Variants in TSPAN5 observed in about 807,000 individuals in gnomAD.
TSPAN5 encodes tetraspanin 5.
A neutral mutation model predicts 37.1 loss-of-function variants in TSPAN5; 10 were observed. That is an observed-to-expected ratio of 0.27 (90% confidence interval 0.17 to 0.46). The LOEUF (loss-of-function observed/expected upper bound fraction) is 0.46, where lower values mean the gene tolerates loss of function less well. Ranked by LOEUF, TSPAN5 falls within the 20% of genes least tolerant of loss-of-function variation. The pLI, the probability that TSPAN5 is intolerant of heterozygous loss-of-function variation, is 1.00. For missense variants in TSPAN5, 195 were observed against 326.6 expected, an observed-to-expected ratio of 0.60 and a Z score of 3.11; for synonymous variants, 110 against 118.9, an observed-to-expected ratio of 0.93 and a Z score of 0.48.
chr4:98,490,573 TG>T (rs1197348544), intron 2 of TSPAN5, among the ~76,000 whole-genome samples: 1 of 152,300 alleles, frequency 6.6e-6, no homozygotes, highest in African/African-American at 2.4e-5. Context: ...TACAGCGTGC[TG>T]GGGGGAACTA....
chr4:98,510,468 T>C (rs900387658), intron 1 of TSPAN5, among the ~76,000 whole-genome samples: 21 of 152,228 alleles, frequency 1.4e-4, no homozygotes, highest in Admixed American at 6.5e-5. Context: ...TTCCCCACTT[T>C]GGTGTCCACA....
intron 1 of TSPAN5, among the ~76,000 whole-genome samples, chr4:98,612,955 T>C (rs1002076815): frequency 6.6e-6 from 1 of 152,194 alleles, no homozygotes; most frequent in African/African-American, 2.4e-5. Context: ...TTTTTCACCG[T>C]AGCACTTATC....
chr4:98,627,932 G>A (rs1756646768), intron 1 of TSPAN5, among the ~76,000 whole-genome samples: 2 of 152,174 alleles, frequency 1.3e-5, no homozygotes, highest in South Asian at 4.1e-4. Context: ...TAGATTTTTT[G>A]AAACTGGAAG....
rs960967165 is a variant in TSPAN5, at chr4:98,471,032, G to A, written c.*1490C>T. On this transcript the variant is annotated 3_prime_UTR_variant, in exon 8 of 8. Transcript: ENST00000305798. ...GATTAAAATCTAGAGGGCAAAACTC[G>A]TCCCTCCCACCTAAAGTGGGGGCAG... The A allele has an allele frequency of 1.6e-4, 25 of 152,104 alleles. No homozygotes were observed. Among genetic ancestry groups the A allele is most frequent in the African/African-American group, 6.0e-4 (25 of 41,408 alleles). 9.4% of individuals were successfully genotyped at this position (152,104 alleles called of 1,614,324 possible).
At chr4:98,586,323 C>T (rs1277680362) in intron 1 of TSPAN5, among the ~76,000 whole-genome samples, 2 of 152,172 alleles carry the variant, frequency 1.3e-5, no homozygotes, top group African/African-American at 2.4e-5. Context: ...CTACTAACGA[C>T]TGAAGACATT....
chr4:98,644,938 C>G (rs1341663105), intron 1 of TSPAN5, among the ~76,000 whole-genome samples: 1 of 152,208 alleles, frequency 6.6e-6, no homozygotes, highest in African/African-American at 2.4e-5. Context: ...ATTCCCCAAG[C>G]ATTTTACCTC....
intron 2 of TSPAN5, among the ~76,000 whole-genome samples, chr4:98,498,483 G>A (rs1283044121): frequency 6.6e-6 from 1 of 152,138 alleles, no homozygotes. Flanking sequence ...AAAGTGAGTA[G>A]GAGACAAGAC....
intron 1 of TSPAN5, among the ~76,000 whole-genome samples, chr4:98,545,311 G>C (rs1295329968): frequency 6.6e-6 from 1 of 152,186 alleles, no homozygotes; most frequent in Non-Finnish European, 1.5e-5. Flanking sequence ...AGAGCAACTG[G>C]AAATGGCCAA....
intron 1 of TSPAN5, among the ~76,000 whole-genome samples, chr4:98,604,808 C>A (rs942008245): frequency 2.6e-5 from 4 of 152,186 alleles, no homozygotes; most frequent in Non-Finnish European, 5.9e-5. Flanking sequence ...ACTATTTAAT[C>A]TCTAATACAA....
chr4:98,572,718 C>T (rs925498187), intron 1 of TSPAN5, among the ~76,000 whole-genome samples: 10 of 152,224 alleles, frequency 6.6e-5, no homozygotes, highest in African/African-American at 2.2e-4. Context: ...TAGTGTGCTC[C>T]CCTTTTACCT....
chr4:98,654,079 C>G (rs1757250477), intron 1 of TSPAN5, among the ~76,000 whole-genome samples: 1 of 152,194 alleles, frequency 6.6e-6, no homozygotes. Flanking sequence ...TGGCTAAGCT[C>G]CCAGCAAGCA....
chr4:98,617,690 A>C (rs541110669), intron 1 of TSPAN5, among the ~76,000 whole-genome samples: 1 of 152,278 alleles, frequency 6.6e-6, no homozygotes, highest in Admixed American at 6.5e-5. Flanking sequence ...GCCTTCTCAG[A>C]TTGCAGGCCC....
chr4:98,597,898 G>A (rs1166013379), intron 1 of TSPAN5, among the ~76,000 whole-genome samples: 1 of 74,950 alleles, frequency 1.3e-5, no homozygotes, highest in East Asian at 3.3e-4. Flanking sequence ...TTGTTTGTCT[G>A]TGCCCTGCCC....
intron 1 of TSPAN5, among the ~76,000 whole-genome samples, chr4:98,585,792 A>C (rs1755473328): frequency 6.6e-6 from 1 of 152,256 alleles, no homozygotes; most frequent in African/African-American, 2.4e-5. Flanking sequence ...GCCCCAAACC[A>C]GATGGATGCC....
At chr4:98,530,965 G>A (rs538922931) in intron 1 of TSPAN5, among the ~76,000 whole-genome samples, 2 of 152,192 alleles carry the variant, frequency 1.3e-5, no homozygotes, top group East Asian at 3.9e-4. Flanking sequence ...GGAGTATAGT[G>A]GCATGACCAT....
At chr4:98,522,338 G>A (rs533182954) in intron 1 of TSPAN5, among the ~76,000 whole-genome samples, 1 of 152,326 alleles carries the variant, frequency 6.6e-6, no homozygotes, top group East Asian at 1.9e-4. Flanking sequence ...GCTGAAACAG[G>A]AAGTGAATTT....
At chr4:98,496,927 C>G (rs1346091884) in intron 2 of TSPAN5, among the ~76,000 whole-genome samples, 3 of 152,144 alleles carry the variant, frequency 2.0e-5, no homozygotes, top group Non-Finnish European at 2.9e-5. Context: ...TTCTGATACC[C>G]TAAGCCCCCG....
intron 2 of TSPAN5, among the ~76,000 whole-genome samples, chr4:98,490,768 T>C (rs955733594): frequency 2.6e-5 from 4 of 152,248 alleles, no homozygotes; most frequent in Middle Eastern, 3.4e-3. Context: ...GGACATAAAA[T>C]TGTATGTATT....
chr4:98,586,323 C>G (rs1277680362), intron 1 of TSPAN5, among the ~76,000 whole-genome samples: 3 of 152,172 alleles, frequency 2.0e-5, no homozygotes, highest in Non-Finnish European at 2.9e-5. Context: ...CTACTAACGA[C>G]TGAAGACATT....
Sources: gnomAD v4.1 joint callset for allele counts (sites outside exome capture counted in the v4.1 genomes callset) on GRCh38, gnomAD v4.1.1 for gene constraint, MANE v1.5 for transcripts, NCBI Gene and HGNC (gene_info 2026-07-23, HGNC 2026-07-21) for gene names.